MALRD1: variants seen among roughly 807,000 people sequenced by gnomAD.
MALRD1 encodes MAM and LDL-receptor class A domain-containing protein 1.
MALRD1 carries 247 observed loss-of-function variants against 242.1 expected under a neutral mutation model. The ratio of observed to expected loss-of-function variants is 1.02; its 90% confidence interval spans 0.92 to 1.13. MALRD1 has a LOEUF of 1.13. Among genes scored for constraint, MALRD1 ranks in the 50% most tolerant of loss-of-function variants. The pLI, the probability that MALRD1 is intolerant of heterozygous loss-of-function variation, is 0.00. For missense variants in MALRD1, 2,989 were observed against 2,533.1 expected (o/e 1.18, Z -3.86); for synonymous variants, 995 against 866.6 (o/e 1.15, Z -2.60).
At chr10:19,055,610 T>G (rs2131210113) in intron 1 of MALRD1, among the ~76,000 whole-genome samples, 1 of 152,342 alleles carries the variant, frequency 6.6e-6, no homozygotes, top group East Asian at 1.9e-4. Flanking sequence ...TCCAGTTTCC[T>G]TCATCTGCAT....
At chr10:19,596,435 G>T (rs1359497703) in intron 34 of MALRD1, among the ~76,000 whole-genome samples, 1 of 152,068 alleles carries the variant, frequency 6.6e-6, no homozygotes, top group African/African-American at 2.4e-5. Context: ...TATAAGAGGG[G>T]AACATTGAAT....
intron 19 of MALRD1, among the ~76,000 whole-genome samples, chr10:19,279,428 G>A (rs764163519): frequency 2.6e-5 from 4 of 152,070 alleles, no homozygotes; most frequent in Non-Finnish European, 4.4e-5. Context: ...TGGATTCCCT[G>A]CATCTACCAC....
At chr10:19,128,885 G>T (rs1051276235) in intron 8 of MALRD1, among the ~76,000 whole-genome samples, 1 of 152,074 alleles carries the variant, frequency 6.6e-6, no homozygotes, top group African/African-American at 2.4e-5. Flanking sequence ...TGTCCAATAT[G>T]CTCGATGAGT....
chr10:19,067,150 G>C (rs1835006901), intron 2 of MALRD1, among the ~76,000 whole-genome samples: 1 of 152,126 alleles, frequency 6.6e-6, no homozygotes, highest in African/African-American at 2.4e-5. Flanking sequence ...GGATTTTCCA[G>C]TTTTTCTTAT....
At chr10:19,159,364 T>A (rs758951705) in intron 12 of MALRD1, among the ~76,000 whole-genome samples, 3 of 152,194 alleles carry the variant, frequency 2.0e-5, no homozygotes, top group Admixed American at 6.5e-5. Context: ...TTTTGTTTTT[T>A]TGGCTATTCT....
intron 33 of MALRD1, among the ~76,000 whole-genome samples, chr10:19,586,855 C>T (rs1386636038): frequency 6.6e-6 from 1 of 152,236 alleles, no homozygotes; most frequent in Admixed American, 6.5e-5. Context: ...TGATCTCAGA[C>T]TGCTGCGTTA....
chr10:19,575,009 C>T lies in MALRD1; in HGVS notation c.5680+7306C>T, dbSNP rs536937382. Among the ~76,000 whole-genome samples the T allele has an allele frequency of 1.6e-4, 25 of 152,278 alleles. No homozygotes were observed. The East Asian group carries it at 2.1e-3, about 13-fold the overall frequency. ...GTGCCCTTGAGTTGGATTGGAAAGA[C>T]AGGTAGGAATGTAGTAGTGTCTACA... On this transcript the variant is annotated intron_variant, in intron 33 of 39. Coordinates refer to ENST00000454679, the MANE Select transcript of MALRD1 (RefSeq NM_001142308.3).
At chr10:19,304,677 AT>A (rs553232060) in intron 21 of MALRD1, among the ~76,000 whole-genome samples, 39 of 151,900 alleles carry the variant, frequency 2.6e-4, no homozygotes, top group Admixed American at 3.9e-4. Context: ...TGTTTGAAAA[AT>A]GTTTCATCAT....
Position 19,203,053 on chromosome 10 carries a change from A to T in MALRD1, c.1952-675A>T, listed in dbSNP as rs181359486. Among the ~76,000 whole-genome samples, 416 of 152,192 alleles carry T rather than the reference A, an allele frequency of 2.7e-3. 3 individuals are homozygous for T. The highest frequency in any genetic ancestry group is 9.6e-3 in the African/African-American group (399 of 41,524). ...GGTCTATTACATAAAGTGTTCTATA[A>T]CTATCAGCTGTATTATTACATTACT... On this transcript the variant is annotated intron_variant, in intron 14 of 39. Transcript: ENST00000454679.
chr10:19,196,466 G>C (rs993115004), intron 14 of MALRD1, among the ~76,000 whole-genome samples: 2 of 151,460 alleles, frequency 1.3e-5, no homozygotes, highest in African/African-American at 4.9e-5. Flanking sequence ...ATTTGACACA[G>C]ATGGTATCAC....
At chr10:19,270,640 A>G (rs530051871) in intron 19 of MALRD1, among the ~76,000 whole-genome samples, 3 of 152,296 alleles carry the variant, frequency 2.0e-5, no homozygotes, top group Admixed American at 6.5e-5. Context: ...GCCAGAAGTG[A>G]CTGAATTGCA....
intron 5 of MALRD1, among the ~76,000 whole-genome samples, chr10:19,110,178 G>A (rs767281475): frequency 6.6e-6 from 1 of 152,102 alleles, no homozygotes; most frequent in East Asian, 1.9e-4. Flanking sequence ...TTTCATGGAG[G>A]GAAAATACAT....
intron 21 of MALRD1, among the ~76,000 whole-genome samples, chr10:19,298,538 T>TGA (rs145133813): frequency 6.6e-6 from 1 of 151,790 alleles, no homozygotes; most frequent in South Asian, 2.1e-4. Flanking sequence ...AAGGGGAACA[T>TGA]GAGAGAGAGA....
intron 32 of MALRD1, among the ~76,000 whole-genome samples, chr10:19,539,897 TGCGCGCGC>T (rs1323112743): frequency 2.5e-4 from 11 of 44,380 alleles, no homozygotes; most frequent in South Asian, 7.7e-4. Flanking sequence ...TGTGTGTGTG[TGCGCGCGC>T]GCGTGCGCGC....
At chr10:19,518,340 A>C (rs1382533576) in intron 31 of MALRD1, among the ~76,000 whole-genome samples, 1 of 152,132 alleles carries the variant, frequency 6.6e-6, no homozygotes. Flanking sequence ...TCCATAAATA[A>C]CTGTCTTCTG....
At chr10:19,644,485 C>T (rs562107815) in intron 36 of MALRD1, among the ~76,000 whole-genome samples, 4 of 1,094 alleles carry the variant, frequency 3.7e-3, no homozygotes, top group East Asian at 0.067. Flanking sequence ...GACATGGGGG[C>T]CAGTTTGTGC....
rs1837529247 is a variant in MALRD1 at position 19,492,341 on chromosome 10, C to G, written c.5158+696C>G. 2.6e-5 allele frequency among the ~76,000 whole-genome samples: 4 copies of G among 152,098 alleles called. 1 individual carries two copies. The South Asian group carries it at 8.3e-4, about 32-fold the overall frequency. ...TACCTGTTGCAGTTACCATTTGCTGCCTAACAAGCTACCCCAGAAGTTAGT... is the reference window on the plus strand; with the variant it reads ...TACCTGTTGCAGTTACCATTTGCTGGCTAACAAGCTACCCCAGAAGTTAGT... On this transcript the variant is annotated intron_variant, in intron 30 of 39. Coordinates refer to ENST00000454679, the MANE Select transcript of MALRD1 (RefSeq NM_001142308.3).
intron 4 of MALRD1, among the ~76,000 whole-genome samples, chr10:19,095,376 C>T (rs1398081150): frequency 6.6e-6 from 1 of 152,100 alleles, no homozygotes; most frequent in Non-Finnish European, 1.5e-5. Context: ...AAATGACACC[C>T]GTATGGCACG....
intron 26 of MALRD1, among the ~76,000 whole-genome samples, chr10:19,381,625 C>A (rs532210794): frequency 2.6e-5 from 4 of 151,176 alleles, no homozygotes; most frequent in Admixed American, 1.3e-4. Flanking sequence ...GTCAGGAGTT[C>A]CGGACCAGCC....
Sources: allele counts gnomAD v4.1 joint callset (sites outside exome capture counted in the v4.1 genomes callset), GRCh38; gene constraint gnomAD v4.1.1; transcripts MANE v1.5; gene names NCBI Gene and HGNC (gene_info 2026-07-23, HGNC 2026-07-21).